GRIP1: variants seen among roughly 807,000 people sequenced by gnomAD.
GRIP1 encodes glutamate receptor-interacting protein 1.
Under a neutral mutation model 129.9 loss-of-function variants are expected in GRIP1, and 45 were observed. That is an observed-to-expected ratio of 0.35 (90% CI 0.27 to 0.44). The LOEUF (loss-of-function observed/expected upper bound fraction) is 0.44. Ranked by LOEUF, GRIP1 falls within the 20% of genes least tolerant of loss-of-function variation. The pLI is 1.00. For missense variants in GRIP1, 1,196 were observed against 1,396.8 expected (o/e 0.86, Z 2.29); for synonymous variants, 530 against 520.8 (o/e 1.02, Z -0.24).
intron 1 of GRIP1, among the ~76,000 whole-genome samples, chr12:66,960,541 C>G (rs984975847): frequency 2.6e-5 from 4 of 152,026 alleles, no homozygotes; most frequent in African/African-American, 9.7e-5. Context: ...GAAATTAGGT[C>G]TGAACTGGGT....
At chr12:66,620,790 C>G (rs904439054) in intron 1 of GRIP1, among the ~76,000 whole-genome samples, 7 of 152,012 alleles carry the variant, frequency 4.6e-5, no homozygotes, top group South Asian at 2.1e-4. Flanking sequence ...CCCCTCCCCC[C>G]CAGACTTTTA....
At chr12:66,454,940 T>A (rs545741275) in intron 11 of GRIP1, among the ~76,000 whole-genome samples, 3 of 152,294 alleles carry the variant, frequency 2.0e-5, no homozygotes, top group Middle Eastern at 3.4e-3. Flanking sequence ...AAATATAATT[T>A]AGTATAAAAT....
intron 7 of GRIP1, among the ~76,000 whole-genome samples, chr12:66,504,628 T>C (rs745736576): frequency 9.2e-5 from 14 of 152,162 alleles, no homozygotes; most frequent in Non-Finnish European, 1.3e-4. Flanking sequence ...AATGCAGTAT[T>C]TCAGATGGCC....
chr12:66,350,769 C>T (rs1269398440), intron 24 of GRIP1, among the ~76,000 whole-genome samples: 2 of 152,192 alleles, frequency 1.3e-5, no homozygotes, highest in Admixed American at 1.3e-4. Context: ...CCTACCTGGA[C>T]TCCTTGCCTG....
chr12:66,432,958 T>C (rs747022685), intron 13 of GRIP1, among the ~76,000 whole-genome samples: 7 of 152,202 alleles, frequency 4.6e-5, no homozygotes, highest in Non-Finnish European at 8.8e-5. Context: ...TCAGAATCTC[T>C]AAAGATGAGG....
At chr12:66,547,296 A>G (rs2061976846) in intron 2 of GRIP1, among the ~76,000 whole-genome samples, 1 of 151,836 alleles carries the variant, frequency 6.6e-6, no homozygotes, top group Non-Finnish European at 1.5e-5. Context: ...GAGGATGCAG[A>G]AAATTAGATC....
intron 17 of GRIP1, among the ~76,000 whole-genome samples, chr12:66,393,537 C>T (rs906656878): frequency 6.6e-6 from 1 of 152,138 alleles, no homozygotes; most frequent in Non-Finnish European, 1.5e-5. Context: ...CTCTATTTTG[C>T]TAGCCACTGT....
At chr12:66,538,440 C>T (rs907255900) in intron 4 of GRIP1, among the ~76,000 whole-genome samples, 2 of 151,676 alleles carry the variant, frequency 1.3e-5, no homozygotes, top group African/African-American at 4.9e-5. Context: ...AAGTGATCCT[C>T]CCGCCTCAGC....
chr12:66,572,089 C>T (rs2062979700), intron 2 of GRIP1, among the ~76,000 whole-genome samples: 1 of 152,208 alleles, frequency 6.6e-6, no homozygotes, highest in South Asian at 2.1e-4. Context: ...CCTTATCAGT[C>T]CTCTTCCAGG....
chr12:66,373,356 T>C (rs865826501), intron 22 of GRIP1, among the ~76,000 whole-genome samples: 3 of 152,236 alleles, frequency 2.0e-5, no homozygotes, highest in Non-Finnish European at 2.9e-5. Flanking sequence ...CCCAAAGTGC[T>C]GGGATTACAG....
chr12:66,661,317 A>G (rs2033487711), intron 1 of GRIP1, among the ~76,000 whole-genome samples: 1 of 152,088 alleles, frequency 6.6e-6, no homozygotes, highest in Non-Finnish European at 1.5e-5. Context: ...TTTCCAGTGA[A>G]AAAGGCCAAG....
chr12:66,586,855 C>G (rs2063657803), intron 2 of GRIP1, among the ~76,000 whole-genome samples: 1 of 152,204 alleles, frequency 6.6e-6, no homozygotes, highest in South Asian at 2.1e-4. Context: ...AACTGGTCTT[C>G]TTGTTTCCAC....
At chr12:66,505,629 C>G (rs1200266565) in intron 7 of GRIP1, among the ~76,000 whole-genome samples, 1 of 152,168 alleles carries the variant, frequency 6.6e-6, no homozygotes, top group African/African-American at 2.4e-5. Flanking sequence ...CCAAGAGCAA[C>G]ATCTATCTAA....
chr12:66,759,857 C>T (rs1198274049), intron 1 of GRIP1, among the ~76,000 whole-genome samples: 3 of 113,456 alleles, frequency 2.6e-5, no homozygotes, highest in Non-Finnish European at 3.9e-5. Context: ...ATACTATCAA[C>T]ATTTTTTTTT....
intron 1 of GRIP1, among the ~76,000 whole-genome samples, chr12:66,938,401 T>C: frequency 6.6e-6 from 1 of 152,264 alleles, no homozygotes; most frequent in East Asian, 1.9e-4. Context: ...TAATAATAAT[T>C]TTTGATGTGT....
intron 1 of GRIP1, among the ~76,000 whole-genome samples, chr12:66,660,885 ATG>A (rs1649398908): frequency 6.6e-6 from 1 of 151,976 alleles, no homozygotes; most frequent in Non-Finnish European, 1.5e-5. Context: ...ATATGTTTAT[ATG>A]TGTGTATATA....
At chr12:66,922,683 C>T (rs1196373207) in intron 1 of GRIP1, among the ~76,000 whole-genome samples, 2 of 152,198 alleles carry the variant, frequency 1.3e-5, no homozygotes, top group Admixed American at 1.3e-4. Flanking sequence ...TGACAGGCTT[C>T]TGGGAAAATA....
chr12:66,896,480 G>GAAAAAAAA (rs5798843), intron 1 of GRIP1, among the ~76,000 whole-genome samples: 1 of 107,842 alleles, frequency 9.3e-6, no homozygotes, highest in Non-Finnish European at 2.0e-5. Flanking sequence ...TGAGGAATTT[G>GAAAAAAAA]AAAAAAAAAA....
At chr12:66,903,155 T>C (rs2040870439) in intron 1 of GRIP1, among the ~76,000 whole-genome samples, 1 of 152,198 alleles carries the variant, frequency 6.6e-6, no homozygotes. Flanking sequence ...CTTATTACTA[T>C]GCTATGTAAA....
Sources: allele counts gnomAD v4.1 joint callset (sites outside exome capture counted in the v4.1 genomes callset), GRCh38; gene constraint gnomAD v4.1.1; transcripts MANE v1.5; gene names NCBI Gene and HGNC (gene_info 2026-07-23, HGNC 2026-07-21).